MBD5: variants seen among roughly 807,000 people sequenced by gnomAD.
MBD5 encodes methyl-CpG-binding domain protein 5.
In MBD5, 13 loss-of-function variants were observed where a neutral mutation model predicts 117.3. The ratio of observed to expected loss-of-function variants is 0.11; its 90% CI spans 0.07 to 0.18. The LOEUF is 0.18. Ranked by LOEUF, MBD5 falls within the 10% of genes least tolerant of loss-of-function variation. MBD5 has a pLI of 1.00. For synonymous variants in MBD5, 727 were observed against 766.4 expected (o/e 0.95, Z 0.85); for missense variants, 1,879 against 2,093.8 (o/e 0.90, Z 2.00).
intron 2 of MBD5, among the ~76,000 whole-genome samples, chr2:148,229,266 C>G (rs557699467): frequency 2.4e-4 from 37 of 152,096 alleles, no homozygotes; most frequent in African/African-American, 8.9e-4. Context: ...ATCACACCTG[C>G]TATTAATGGA....
chr2:148,430,089 C>G (rs1255281480), intron 4 of MBD5, among the ~76,000 whole-genome samples: 1 of 152,058 alleles, frequency 6.6e-6, no homozygotes, highest in East Asian at 1.9e-4. Context: ...GAGAATTTGA[C>G]CAGAGCATAC....
chr2:148,464,621 A>G (rs1707199891), intron 7 of MBD5, among the ~76,000 whole-genome samples: 2 of 151,986 alleles, frequency 1.3e-5, no homozygotes, highest in Non-Finnish European at 2.9e-5. Context: ...ATCTGTATTC[A>G]GATTTCTCCA....
intron 1 of MBD5, among the ~76,000 whole-genome samples, chr2:148,069,889 T>A (rs959975690): frequency 6.6e-6 from 1 of 152,196 alleles, no homozygotes; most frequent in Non-Finnish European, 1.5e-5. Context: ...AATGATTAAG[T>A]CAGGGTATTC....
At chr2:148,104,734 T>C (rs935613204) in intron 1 of MBD5, among the ~76,000 whole-genome samples, 8 of 152,172 alleles carry the variant, frequency 5.3e-5, no homozygotes, top group African/African-American at 1.9e-4. Context: ...GAATATGTCT[T>C]TGTTTAGAGT....
chr2:148,462,674 T>C lies in MBD5; in HGVS notation c.206T>C (p.Ile69Thr). The C allele has an allele frequency of 6.2e-7, 1 of 1,605,418 alleles. No homozygotes were observed. Among genetic ancestry groups the C allele is most frequent in the Non-Finnish European group, 8.5e-7 (1 of 1,172,544 alleles). ...TCKCGLECPL[I>T]LPKVFNFDPG... ...AAGTGTGGCTTGGAATGTCCTCTTA[T>C]TCTTCCCAAGGTAACCATTTCACAA... The change falls in exon 6 of 14, where the codon ATT (isoleucine) becomes ACT (threonine). Residue 69 changes from isoleucine to threonine, a missense_variant. Ile to Thr is a moderately conservative substitution (Grantham distance 89). Coordinates refer to ENST00000642680, the MANE Select transcript of MBD5 (RefSeq NM_001378120.1).
rs181189583 is a variant in MBD5, at chr2:148,327,224, T to G, written c.-679-14990T>G. ...GAGATCTGCTGTTAGTCTTATGGGC[T>G]TCCCTTTGAGGGTAGCCTGACCTTT... On this transcript the variant is annotated intron_variant, in intron 3 of 13. Transcript: ENST00000642680. Among the ~76,000 whole-genome samples the G allele has an allele frequency of 2.0e-4, 31 of 152,246 alleles. 1 individual carries two copies. Among genetic ancestry groups the G allele is most frequent in the African/African-American group, 7.2e-4 (30 of 41,510 alleles).
chr2:148,044,393 T>A (rs981990333), intron 1 of MBD5: 1 of 152,170 alleles, frequency 6.6e-6, no homozygotes, highest in African/African-American at 2.4e-5. Flanking sequence ...ACCATGACAC[T>A]GAGAACCAGG....
chr2:148,507,708 C>G (rs1173326028), intron 12 of MBD5, among the ~76,000 whole-genome samples: 1 of 149,608 alleles, frequency 6.7e-6, no homozygotes, highest in Non-Finnish European at 1.5e-5. Flanking sequence ...TGCAGTGAGC[C>G]GAGACTGCGC....
At chr2:148,080,091 C>A (rs1695612723) in intron 1 of MBD5, among the ~76,000 whole-genome samples, 1 of 151,974 alleles carries the variant, frequency 6.6e-6, no homozygotes, top group African/African-American at 2.4e-5. Context: ...CAATAGAAAA[C>A]CCTTGGTCTT....
chr2:148,379,859 AAC>A (rs976703573), intron 4 of MBD5, among the ~76,000 whole-genome samples: 1 of 152,172 alleles, frequency 6.6e-6, no homozygotes, highest in Non-Finnish European at 1.5e-5. Flanking sequence ...AAATGAAATA[AAC>A]ACAGTTTCAA....
intron 12 of MBD5, among the ~76,000 whole-genome samples, chr2:148,507,453 A>T (rs1358307130): frequency 6.6e-6 from 1 of 152,248 alleles, no homozygotes; most frequent in Non-Finnish European, 1.5e-5. Context: ...GAGATAATGT[A>T]TATAGAGTTT....
At chr2:148,085,478 A>G (rs1314951522) in intron 1 of MBD5, among the ~76,000 whole-genome samples, 1 of 152,010 alleles carries the variant, frequency 6.6e-6, no homozygotes, top group African/African-American at 2.4e-5. Context: ...TAATCCCAGC[A>G]CTTTGGGAGG....
chr2:148,386,741 A>G (rs932373403), intron 4 of MBD5, among the ~76,000 whole-genome samples: 1 of 132,898 alleles, frequency 7.5e-6, no homozygotes, highest in African/African-American at 2.8e-5. Context: ...AAAAAAAAAA[A>G]AAGAAGATAC....
chr2:148,073,722 C>T (rs919398319), intron 1 of MBD5, among the ~76,000 whole-genome samples: 1 of 152,060 alleles, frequency 6.6e-6, no homozygotes, highest in Non-Finnish European at 1.5e-5. Context: ...CTATTGTTAT[C>T]CCTATTTTAA....
chr2:148,176,485 A>G (rs1377578750), intron 1 of MBD5, among the ~76,000 whole-genome samples: 1 of 151,316 alleles, frequency 6.6e-6, no homozygotes, highest in East Asian at 1.9e-4. Flanking sequence ...GCTCACCGCA[A>G]CCTCTGTCTC....
chr2:148,254,941 T>C (rs1224294894), intron 3 of MBD5, among the ~76,000 whole-genome samples: 1 of 152,214 alleles, frequency 6.6e-6, no homozygotes, highest in Non-Finnish European at 1.5e-5. Context: ...CAAAGCTTGC[T>C]GCATCATGTT....
At chr2:148,286,350 C>G (rs546072150) in intron 3 of MBD5, among the ~76,000 whole-genome samples, 3 of 152,216 alleles carry the variant, frequency 2.0e-5, no homozygotes, top group Admixed American at 1.3e-4. Context: ...AAATGTTGTG[C>G]CAAGATTCAT....
intron 7 of MBD5, among the ~76,000 whole-genome samples, chr2:148,465,418 C>G (rs1416274927): frequency 6.6e-6 from 1 of 152,052 alleles, no homozygotes; most frequent in African/African-American, 2.4e-5. Flanking sequence ...ATATTATAAT[C>G]TAATGTTTGA....
intron 1 of MBD5, among the ~76,000 whole-genome samples, chr2:148,031,938 T>G (rs1694050606): frequency 6.6e-6 from 1 of 152,162 alleles, no homozygotes; most frequent in Non-Finnish European, 1.5e-5. Context: ...GTTTTCTCCA[T>G]TTTCTTTATA....
Sources: gnomAD v4.1 joint callset for allele counts (sites outside exome capture counted in the v4.1 genomes callset) on GRCh38, gnomAD v4.1.1 for gene constraint, MANE v1.5 for transcripts, NCBI Gene and HGNC (gene_info 2026-07-23, HGNC 2026-07-21) for gene names.